KIF13A: variants seen among roughly 807,000 people sequenced by gnomAD.
KIF13A encodes kinesin-like protein KIF13A.
Under a neutral mutation model 212.2 loss-of-function variants are expected in KIF13A, and 79 were observed. That is an observed-to-expected ratio of 0.37 (90% CI 0.31 to 0.45). KIF13A has a LOEUF of 0.45. Ranked by LOEUF, KIF13A falls within the 20% of genes least tolerant of loss-of-function variation. KIF13A has a pLI of 1.00. For missense variants in KIF13A, 1,901 were observed against 2,209.0 expected (o/e 0.86, Z 2.79); for synonymous variants, 789 against 808.6 (o/e 0.98, Z 0.41).
At chr6:17,933,153 T>C (rs1228051123) in intron 2 of KIF13A, among the ~76,000 whole-genome samples, 1 of 152,026 alleles carries the variant, frequency 6.6e-6, no homozygotes, top group East Asian at 1.9e-4. Context: ...CTGGAGAACA[T>C]GAATTTAAGA....
intron 2 of KIF13A, among the ~76,000 whole-genome samples, chr6:17,925,428 T>C (rs1331831179): frequency 1.3e-5 from 2 of 152,224 alleles, no homozygotes; most frequent in African/African-American, 4.8e-5. Flanking sequence ...AGATGCTTAT[T>C]AGACATCTAA....
At chr6:17,928,492 C>T (rs1452819036) in intron 2 of KIF13A, among the ~76,000 whole-genome samples, 2 of 152,158 alleles carry the variant, frequency 1.3e-5, no homozygotes, top group Non-Finnish European at 2.9e-5. Flanking sequence ...GCAGAGGAGC[C>T]ACAATGGGTT....
At chr6:17,815,384 C>T (rs180991678) in intron 17 of KIF13A, among the ~76,000 whole-genome samples, 1 of 152,136 alleles carries the variant, frequency 6.6e-6, no homozygotes, top group Non-Finnish European at 1.5e-5. Context: ...TTCTCTAACT[C>T]CCCCGGGAAA....
chr6:17,981,413 GTTTTTCT>G (rs1228679816), intron 2 of KIF13A, among the ~76,000 whole-genome samples: 3 of 145,404 alleles, frequency 2.1e-5, no homozygotes, highest in South Asian at 2.2e-4. Context: ...TTTTAGTTTT[GTTTTTCT>G]TTTTTCTTTT....
At chr6:17,873,295 C>T in intron 4 of KIF13A, 82 bp downstream of exon 4, 1 of 916,762 alleles carries the variant, frequency 1.1e-6, no homozygotes, top group Non-Finnish European at 1.7e-6. Flanking sequence ...GAAAGTAAAA[C>T]TCCAGAGGAA....
Position 17,828,463 on chromosome 6 carries a change from T to G in KIF13A, c.1402-93A>C, listed in dbSNP as rs1765161347. On this transcript the variant is annotated intron_variant, in intron 13 of 38. Coordinates refer to ENST00000259711, the MANE Select transcript of KIF13A (RefSeq NM_022113.6). The surrounding 1 kb of genome is among the most constrained non-coding windows in gnomAD (Gnocchi z 4.3). ...TCAATTTGAATAACGCAGCAGCATA[T>G]GCACAAAAATATTAAACGAATCCTG... is the stretch of plus-strand genomic sequence containing the variant. 9.6e-7 allele frequency: 1 copy of G among 1,041,170 alleles called. No individual in the cohort carries two copies. Among genetic ancestry groups the G allele is most frequent in the Non-Finnish European group, 1.4e-6 (1 of 729,042 alleles). The allele number at this position is 1,041,170 out of a possible 1,614,324, so 64.5% of individuals were successfully genotyped here.
intron 18 of KIF13A, among the ~76,000 whole-genome samples, chr6:17,807,419 A>G (rs982506906): frequency 1.3e-5 from 2 of 152,056 alleles, no homozygotes; most frequent in Non-Finnish European, 2.9e-5. Flanking sequence ...ATAAGCACTG[A>G]GATACGCCCT....
intron 2 of KIF13A, among the ~76,000 whole-genome samples, chr6:17,941,381 T>C (rs1776943104): frequency 6.6e-6 from 1 of 152,212 alleles, no homozygotes; most frequent in South Asian, 2.1e-4. Flanking sequence ...TCTTAGCTAT[T>C]GTTATGAATG....
At chr6:17,779,243 ATATATATATATATATTTTTTTTTTTTTT>A (rs1406777172) in intron 32 of KIF13A, 144 bp from the exon 33 acceptor site, 8,283 of 236,254 alleles carry the variant, frequency 0.035, 239 homozygotes, top group African/African-American at 0.12. Flanking sequence ...TAGCATATAT[ATATATATATATATATTTTTTTTTTTTTT>A]TTTTTTTTTT....
chr6:17,792,550 T>A (rs1390366911), intron 25 of KIF13A, among the ~76,000 whole-genome samples: 4 of 152,188 alleles, frequency 2.6e-5, no homozygotes, highest in Non-Finnish European at 5.9e-5. Context: ...TAGAAGTTGA[T>A]GGCTAAGTGA....
chr6:17,838,901 C>T lies in KIF13A; in HGVS notation c.831-1318G>A, dbSNP rs1766241985. Among the ~76,000 whole-genome samples the T allele has an allele frequency of 6.6e-6, 1 of 152,142 alleles. No individual in the cohort carries two copies. Among genetic ancestry groups the T allele is most frequent in the African/African-American group, 2.4e-5 (1 of 41,430 alleles). On this transcript the variant is annotated intron_variant, in intron 9 of 38. Transcript: ENST00000259711. This position sits in a 1 kb window ranked among gnomAD's most constrained non-coding sequence, Gnocchi z 4.2. Reference sequence around the variant, plus strand: ...ATGATATGATTTTGGCTCAATGCAACCTCCACCTCCCAGGTTCAAGAGATT... The same window carrying T: ...ATGATATGATTTTGGCTCAATGCAATCTCCACCTCCCAGGTTCAAGAGATT...
chr6:17,925,195 T>C (rs7765428), intron 2 of KIF13A, among the ~76,000 whole-genome samples: 77,125 of 151,946 alleles, frequency 0.51, 20,940 homozygotes, highest in Non-Finnish European at 0.61. Flanking sequence ...GAGACGAAGA[T>C]GTTAGGAAAT....
At chr6:17,784,190 C>A (rs1760848211) in intron 28 of KIF13A, among the ~76,000 whole-genome samples, 1 of 152,034 alleles carries the variant, frequency 6.6e-6, no homozygotes, top group South Asian at 2.1e-4. Flanking sequence ...GAGGCAAAGG[C>A]AGGAAGATGG....
At position 17,877,763 on chromosome 6, in the gene KIF13A, CA is replaced by C. The variant is rs1348589452; in HGVS notation, c.160-4327del. The stretch of plus-strand genomic sequence containing the variant: ...CATGGTGAATTTCAGTGACATGCGT[CA>C]TCCTAAATATTAAGAAAAAAAAAAT... On this transcript the variant is annotated intron_variant, in intron 3 of 38. Transcript: ENST00000259711. Among the ~76,000 whole-genome samples the C allele has an allele frequency of 6.6e-5, 10 of 151,780 alleles. No homozygotes were observed. The East Asian group carries it at 1.9e-3, about 29-fold the overall frequency.
chr6:17,980,343 C>G (rs1451538407), intron 2 of KIF13A, among the ~76,000 whole-genome samples: 1 of 152,096 alleles, frequency 6.6e-6, no homozygotes, highest in Admixed American at 6.5e-5. Context: ...TCTTAGGAAA[C>G]TACTGAAGGA....
At chr6:17,975,532 T>G (rs1011194175) in intron 2 of KIF13A, among the ~76,000 whole-genome samples, 1 of 152,068 alleles carries the variant, frequency 6.6e-6, no homozygotes, top group Non-Finnish European at 1.5e-5. Flanking sequence ...ACATAATTCA[T>G]TGCAAAGACC....
At chr6:17,867,886 C>A (rs1417584804) in intron 4 of KIF13A, among the ~76,000 whole-genome samples, 1 of 152,186 alleles carries the variant, frequency 6.6e-6, no homozygotes, top group Non-Finnish European at 1.5e-5. Context: ...AAGCAGAAAT[C>A]ATTTCTAGCT....
chr6:17,804,721 G>A (rs985850399), intron 19 of KIF13A, among the ~76,000 whole-genome samples: 8 of 143,912 alleles, frequency 5.6e-5, no homozygotes, highest in Non-Finnish European at 1.0e-4. Flanking sequence ...GCTGGGGCAC[G>A]AGAATCGCTT....
chr6:17,889,093 C>T (rs1313963392), intron 3 of KIF13A, among the ~76,000 whole-genome samples: 1 of 152,082 alleles, frequency 6.6e-6, no homozygotes, highest in Non-Finnish European at 1.5e-5. Context: ...ACAGTAGAGG[C>T]AACAGAAAAT....
Sources: allele counts gnomAD v4.1 joint callset (sites outside exome capture counted in the v4.1 genomes callset), GRCh38; gene constraint gnomAD v4.1.1; non-coding constraint Gnocchi (gnomAD v3.1); transcripts MANE v1.5; gene names NCBI Gene and HGNC (gene_info 2026-07-23, HGNC 2026-07-21).